AUTS2: variants seen among roughly 807,000 people sequenced by gnomAD.
AUTS2 encodes the protein autism susceptibility gene 2 protein.
A neutral mutation model predicts 112.4 loss-of-function variants in AUTS2; 17 were observed. That is an observed-to-expected ratio of 0.15 (90% CI 0.10 to 0.23). AUTS2 has a LOEUF of 0.23. Among genes scored for constraint, AUTS2 ranks in the 10% least tolerant of loss-of-function variants. The probability of loss-of-function intolerance (pLI) is 1.00; values close to 1 mark genes in which losing one functional copy is unlikely to be tolerated. For missense variants in AUTS2, 1,510 were observed against 1,701.6 expected, an observed-to-expected ratio of 0.89 and a Z score of 1.98; for synonymous variants, 751 against 702.7, an observed-to-expected ratio of 1.07 and a Z score of -1.09.
intron 4 of AUTS2, among the ~76,000 whole-genome samples, chr7:70,141,630 C>G (rs919794827): frequency 6.6e-6 from 1 of 152,084 alleles, no homozygotes; most frequent in Non-Finnish European, 1.5e-5. Context: ...GTAACAAAAC[C>G]AGAATCTAAG....
intron 3 of AUTS2, among the ~76,000 whole-genome samples, chr7:70,126,580 A>G (rs1173608585): frequency 6.6e-6 from 1 of 152,176 alleles, no homozygotes; most frequent in Non-Finnish European, 1.5e-5. Context: ...GAATAATTGA[A>G]TATATAGTTA....
At chr7:70,196,517 C>A (rs1412479289) in intron 4 of AUTS2, among the ~76,000 whole-genome samples, 2 of 152,110 alleles carry the variant, frequency 1.3e-5, no homozygotes, top group African/African-American at 4.8e-5. Context: ...CACTTGGAAC[C>A]CCCTCATGCC....
chr7:69,776,608 G>T (rs1432922830), intron 1 of AUTS2, among the ~76,000 whole-genome samples: 1 of 152,082 alleles, frequency 6.6e-6, no homozygotes. Context: ...TTGTAGAAAT[G>T]GGGTCTTGCT....
chr7:70,790,862 G>T lies in AUTS2; in HGVS notation c.3646G>T (p.Ala1216Ser), dbSNP rs368565092. ...CCTCAACAAGACCCCTCCGACAGCAGCGCTGAGCGCACCTCCCCCGCTCAT... is the reference window on the plus strand; with the variant it reads ...CCTCAACAAGACCCCTCCGACAGCATCGCTGAGCGCACCTCCCCCGCTCAT... ...GLLNKTPPTA[A>S]LSAPPPLIST... is the part of the protein sequence containing the mutation. Residue 1216 changes from alanine to serine, a missense_variant, in exon 19 of 19, where the codon GCG becomes TCG. By Grantham distance (99) the Ala-to-Ser change is moderately conservative. Transcript: ENST00000342771. The surrounding 1 kb of genome is among the most constrained non-coding windows in gnomAD (Gnocchi z 7.6). 18 of 1,606,114 alleles carry T rather than the reference G, an allele frequency of 1.1e-5. No individual in the cohort carries two copies. The South Asian group carries it at 1.7e-4, about 15-fold the overall frequency.
intron 5 of AUTS2, among the ~76,000 whole-genome samples, chr7:70,506,068 C>T (rs1430748828): frequency 6.6e-6 from 1 of 152,204 alleles, no homozygotes; most frequent in Non-Finnish European, 1.5e-5. Flanking sequence ...AGCACTGGAA[C>T]ACGGGGAGCC....
At chr7:70,729,344 C>T (rs554385701) in intron 6 of AUTS2, 6 of 298,856 alleles carry the variant, frequency 2.0e-5, no homozygotes, top group Non-Finnish European at 4.2e-5. Flanking sequence ...ATAGCCTGGC[C>T]TGTACCAGAT....
chr7:70,524,129 A>G (rs1799747349), intron 5 of AUTS2, among the ~76,000 whole-genome samples: 1 of 152,232 alleles, frequency 6.6e-6, no homozygotes, highest in Admixed American at 6.5e-5. Flanking sequence ...GGATGCCAAG[A>G]CCATTTATCT....
intron 4 of AUTS2, among the ~76,000 whole-genome samples, chr7:70,263,819 G>C (rs1787282519): frequency 6.6e-6 from 1 of 152,202 alleles, no homozygotes; most frequent in Non-Finnish European, 1.5e-5. Flanking sequence ...GGTCTATACA[G>C]TGGCAATACT....
In AUTS2 at chr7:69,739,764, G is replaced by T. The variant is rs533080703; in HGVS notation, c.309+139802G>T. ...CTTTGAGGCTTTAACTATCAGATTT[G>T]TGCTAATTCTTTACTGTTTCCTTGA... On this transcript the variant is annotated intron_variant, in intron 1 of 18. Coordinates refer to ENST00000342771, the MANE Select transcript of AUTS2 (RefSeq NM_015570.4). Among the ~76,000 whole-genome samples, 40 of 152,268 alleles carry T rather than the reference G, an allele frequency of 2.6e-4. 1 individual carries two copies. The South Asian group carries it at 6.0e-3, about 23-fold the overall frequency.
intron 1 of AUTS2, among the ~76,000 whole-genome samples, chr7:69,621,129 C>T (rs1793636289): frequency 6.6e-6 from 1 of 152,146 alleles, no homozygotes; most frequent in Non-Finnish European, 1.5e-5. Flanking sequence ...TTGCTTAAAT[C>T]AACTCATGTA....
intron 2 of AUTS2, among the ~76,000 whole-genome samples, chr7:69,918,940 A>G (rs1795699070): frequency 6.6e-6 from 1 of 152,194 alleles, no homozygotes; most frequent in African/African-American, 2.4e-5. Flanking sequence ...ATTTAAGAAA[A>G]ATCTTTATAT....
intron 1 of AUTS2, among the ~76,000 whole-genome samples, chr7:69,629,242 C>T (rs1399830754): frequency 1.3e-5 from 2 of 152,054 alleles, no homozygotes; most frequent in African/African-American, 4.8e-5. Flanking sequence ...GGAGTGAGAC[C>T]CATGTGGGAA....
rs138521109 is a variant in AUTS2, at chr7:70,728,059, G to A, written c.742+29439G>A. Reference sequence around the variant, plus strand: ...TCTAAATTTTATGACCTGCTTTGGGGAAAGAAGGGTGGGAAGGTGAGAGTG... The same window carrying A: ...TCTAAATTTTATGACCTGCTTTGGGAAAAGAAGGGTGGGAAGGTGAGAGTG... On this transcript the variant is annotated intron_variant, in intron 6 of 18. Transcript: ENST00000342771. Among the ~76,000 whole-genome samples, 679 of 152,264 alleles carry A rather than the reference G, an allele frequency of 4.5e-3. 3 individuals are homozygous for A. Among genetic ancestry groups the A allele is most frequent in the African/African-American group, 0.015 (635 of 41,542 alleles).
intron 4 of AUTS2, among the ~76,000 whole-genome samples, chr7:70,239,519 T>A (rs1370267370): frequency 6.6e-6 from 1 of 152,138 alleles, no homozygotes; most frequent in Admixed American, 6.5e-5. Flanking sequence ...CACTGCAACC[T>A]CTACCTCCGG....
intron 2 of AUTS2, among the ~76,000 whole-genome samples, chr7:70,084,615 A>G (rs1192686777): frequency 1.3e-5 from 2 of 152,072 alleles, no homozygotes; most frequent in African/African-American, 4.8e-5. Context: ...CTTGAATTGC[A>G]TTTCCCTAAT....
At chr7:69,677,079 A>T (rs904655278) in intron 1 of AUTS2, among the ~76,000 whole-genome samples, 1 of 152,308 alleles carries the variant, frequency 6.6e-6, no homozygotes, top group Middle Eastern at 3.4e-3. Context: ...GTCTTGTTAA[A>T]TGGAGCTTTT....
At chr7:70,656,165 T>C (rs1806759401) in intron 5 of AUTS2, among the ~76,000 whole-genome samples, 1 of 152,046 alleles carries the variant, frequency 6.6e-6, no homozygotes, top group African/African-American at 2.4e-5. Context: ...TAAGCCACTT[T>C]GGGGCCCTCA....
intron 5 of AUTS2, among the ~76,000 whole-genome samples, chr7:70,606,723 G>A (rs182417670): frequency 6.0e-4 from 92 of 152,090 alleles, no homozygotes; most frequent in Middle Eastern, 3.4e-3. Context: ...TTCGCCAGGC[G>A]TGGTGATGCA....
In AUTS2 at chr7:70,519,248, C is replaced by T. The variant is rs79371825; in HGVS notation, c.690+83467C>T. ...TGGCCATGGAAAATCAAAGGGAAGA[C>T]TAATAAAGTTAAAGGAAAGTTTCAG... On this transcript the variant is annotated intron_variant, in intron 5 of 18. Coordinates refer to ENST00000342771, the MANE Select transcript of AUTS2 (RefSeq NM_015570.4). 2.0e-3 allele frequency among the ~76,000 whole-genome samples: 304 copies of T among 152,202 alleles called. 9 individuals carry two copies. In the East Asian group the frequency reaches 0.053, roughly 27 times the overall value.
Sources: allele counts gnomAD v4.1 joint callset (sites outside exome capture counted in the v4.1 genomes callset), GRCh38; gene constraint gnomAD v4.1.1; non-coding constraint Gnocchi (gnomAD v3.1); transcripts MANE v1.5; gene names NCBI Gene and HGNC (gene_info 2026-07-23, HGNC 2026-07-21).